The following CDH18 variants were observed in gnomAD, a reference collection of about 807,000 sequenced individuals.
CDH18 encodes the protein cadherin-18.
A neutral mutation model predicts 67.9 loss-of-function variants in CDH18; 31 were observed. The ratio of observed to expected loss-of-function variants is 0.46; its 90% CI spans 0.34 to 0.62. CDH18 has a LOEUF of 0.62. Among genes scored for constraint, CDH18 ranks in the 20% least tolerant of loss-of-function variants. CDH18 has a pLI of 0.01. For missense variants in CDH18, 890 were observed against 975.5 expected (o/e 0.91, Z 1.17); for synonymous variants, 362 against 347.2 (o/e 1.04, Z -0.48).
rs551781207 is a variant in CDH18, at chr5:20,296,185, A to T, written c.-579-40680T>A. ...CATCGCGCCTGGCCGACAAATTTTC[A>T]TAATGGATTATTATAATGCCACAAA... On this transcript the variant is annotated intron_variant, in intron 1 of 14. Coordinates refer to the CDH18 transcript ENST00000507958. Among the ~76,000 whole-genome samples the T allele has an allele frequency of 2.0e-5, 3 of 147,858 alleles. No individual in the cohort carries two copies. In the South Asian group the frequency reaches 6.5e-4, roughly 32 times the overall value.
chr5:19,536,685 C>T (rs1469617719), intron 9 of CDH18, among the ~76,000 whole-genome samples: 5 of 152,138 alleles, frequency 3.3e-5, no homozygotes, highest in African/African-American at 1.2e-4. Flanking sequence ...TAAACTTTAG[C>T]ATGAATGAGA....
At chr5:19,887,268 T>G (rs553436704) in intron 2 of CDH18, among the ~76,000 whole-genome samples, 19 of 152,042 alleles carry the variant, frequency 1.2e-4, no homozygotes, top group African/African-American at 4.6e-4. Flanking sequence ...CCCAAACAGC[T>G]TTCCAATGTA....
Position 20,220,817 on chromosome 5 carries a change from G to C in CDH18, c.-518+34627C>G, listed in dbSNP as rs534792062. Among the ~76,000 whole-genome samples the C allele has an allele frequency of 2.6e-5, 4 of 152,106 alleles. No homozygotes were observed. The East Asian group carries it at 7.7e-4, about 29-fold the overall frequency. Reference sequence around the variant, plus strand: ...TCCAATCAAAATGGGCAAAATATCTGAATAGATATTTCTCAAAAGAAGACA... The same window carrying C: ...TCCAATCAAAATGGGCAAAATATCTCAATAGATATTTCTCAAAAGAAGACA... On this transcript the variant is annotated intron_variant, in intron 2 of 14. Transcript: ENST00000507958.
At position 20,456,184 on chromosome 5, in the gene CDH18, C is replaced by T. The variant is rs75768360; in HGVS notation, c.-580+119278G>A. On this transcript the variant is annotated intron_variant, in intron 1 of 14. Coordinates refer to the CDH18 transcript ENST00000507958. ...AAACAAAGCTATGTATGTAGACTCA[C>T]GACATGTAAATATTTGCATAATTTT... is the stretch of plus-strand genomic sequence containing the variant. 7.6e-3 allele frequency among the ~76,000 whole-genome samples: 1,156 copies of T among 152,040 alleles called. 10 individuals are homozygous for T. Among genetic ancestry groups the T allele is most frequent in the African/African-American group, 0.026 (1,090 of 41,482 alleles).
chr5:20,305,564 C>G (rs1393005142), intron 1 of CDH18: 3 of 657,028 alleles, frequency 4.6e-6, no homozygotes, highest in African/African-American at 3.6e-5. Flanking sequence ...GCTGAGGGCG[C>G]TCGGCCGCTT....
chr5:20,348,880 G>T (rs191809841), intron 1 of CDH18, among the ~76,000 whole-genome samples: 7 of 152,158 alleles, frequency 4.6e-5, no homozygotes, highest in Admixed American at 3.9e-4. Flanking sequence ...TACCTTTTGT[G>T]CAAGCCCTAA....
At chr5:20,345,274 A>G (rs889485026) in intron 1 of CDH18, among the ~76,000 whole-genome samples, 7 of 152,084 alleles carry the variant, frequency 4.6e-5, no homozygotes, top group Admixed American at 2.6e-4. Context: ...ATATTGGGGT[A>G]CTATTTTTTA....
intron 12 of CDH18, among the ~76,000 whole-genome samples, chr5:19,482,046 G>A (rs1435217295): frequency 6.6e-6 from 1 of 152,076 alleles, no homozygotes; most frequent in East Asian, 1.9e-4. Context: ...AACAGATAAT[G>A]TAAAATTAGA....
At chr5:19,935,875 G>A (rs1396035686) in intron 2 of CDH18, among the ~76,000 whole-genome samples, 5 of 146,652 alleles carry the variant, frequency 3.4e-5, no homozygotes, top group Admixed American at 2.0e-4. Flanking sequence ...TTCCAAACTT[G>A]TGATTTTTTT....
chr5:19,573,859 T>C (rs951549132), intron 7 of CDH18, among the ~76,000 whole-genome samples: 12 of 152,198 alleles, frequency 7.9e-5, no homozygotes, highest in African/African-American at 2.7e-4. Context: ...TAGTTTTAGA[T>C]CAATGTCTAT....
Position 19,607,004 on chromosome 5 carries a change from A to G in CDH18, c.811+5430T>C, listed in dbSNP as rs964405003. 2.0e-5 allele frequency among the ~76,000 whole-genome samples: 3 copies of G among 151,804 alleles called. No homozygotes were observed. In the South Asian group the frequency reaches 6.2e-4, roughly 32 times the overall value. On this transcript the variant is annotated intron_variant, in intron 6 of 12. Transcript: ENST00000382275. ...TGATTTTTCAATGAACAAAATGGTA[A>G]ACAGCAAATTATATTAATAATTATT...
chr5:20,054,892 A>G (rs76357732), intron 2 of CDH18, among the ~76,000 whole-genome samples: 1,747 of 152,226 alleles, frequency 0.011, 39 homozygotes, highest in African/African-American at 0.04. Context: ...CAGTCAGGTG[A>G]TACAAATGTG....
chr5:19,828,314 T>C (rs1015167260), intron 3 of CDH18, among the ~76,000 whole-genome samples: 3 of 152,132 alleles, frequency 2.0e-5, no homozygotes, highest in African/African-American at 4.8e-5. Context: ...ACCATTCCTA[T>C]AGAAACTATT....
intron 1 of CDH18, among the ~76,000 whole-genome samples, chr5:20,505,193 G>C (rs561555406): frequency 6.6e-6 from 1 of 152,260 alleles, no homozygotes; most frequent in Non-Finnish European, 1.5e-5. Context: ...AGTACAGTCT[G>C]TTACAAAGAG....
intron 2 of CDH18, among the ~76,000 whole-genome samples, chr5:20,185,941 A>G (rs535854196): frequency 2.0e-5 from 3 of 152,050 alleles, no homozygotes; most frequent in African/African-American, 7.2e-5. Context: ...ATACTTTCTG[A>G]AGAAGAGAAT....
At chr5:19,889,107 G>A (rs1222565037) in intron 2 of CDH18, among the ~76,000 whole-genome samples, 2 of 150,416 alleles carry the variant, frequency 1.3e-5, no homozygotes, top group African/African-American at 5.0e-5. Context: ...AATGGTTGTT[G>A]TATTGTATTT....
At chr5:20,333,725 G>A (rs1004755853) in intron 1 of CDH18, among the ~76,000 whole-genome samples, 16 of 152,130 alleles carry the variant, frequency 1.1e-4, no homozygotes, top group African/African-American at 3.9e-4. Flanking sequence ...ATTTGCTACA[G>A]TGTTATGCAG....
intron 2 of CDH18, among the ~76,000 whole-genome samples, chr5:19,859,873 G>T (rs1211719463): frequency 1.3e-5 from 2 of 152,116 alleles, no homozygotes; most frequent in Non-Finnish European, 1.5e-5. Context: ...ATTCACATTT[G>T]GTCCAGAATA....
intron 5 of CDH18, among the ~76,000 whole-genome samples, chr5:19,614,936 A>G (rs1404724296): frequency 6.6e-6 from 1 of 152,144 alleles, no homozygotes; most frequent in Non-Finnish European, 1.5e-5. Context: ...TCACGAGGTC[A>G]GAAGATTCAG....
Sources: gnomAD v4.1 joint callset for allele counts (sites outside exome capture counted in the v4.1 genomes callset) on GRCh38, gnomAD v4.1.1 for gene constraint, MANE v1.5 for transcripts, NCBI Gene and HGNC (gene_info 2026-07-23, HGNC 2026-07-21) for gene names.